The following KLF13 variants were observed in gnomAD, a reference collection of about 807,000 sequenced individuals.
KLF13 encodes Krueppel-like factor 13.
In KLF13, 8 loss-of-function variants were observed where a neutral mutation model predicts 16.7. The ratio of observed to expected loss-of-function variants is 0.48; its 90% CI spans 0.28 to 0.87. The LOEUF is 0.87. Ranked by LOEUF, KLF13 falls within the 40% of genes least tolerant of loss-of-function variation. KLF13 has a pLI of 0.10. For synonymous variants in KLF13, 245 were observed against 208.4 expected, an observed-to-expected ratio of 1.18 and a Z score of -1.51; for missense variants, 447 against 452.2, an observed-to-expected ratio of 0.99 and a Z score of 0.10.
At chr15:31,388,815 TC>T (rs759646834), upstream of KLF13, among the ~76,000 whole-genome samples, 2 of 147,618 alleles carry the variant, frequency 1.4e-5, no homozygotes, top group African/African-American at 4.9e-5. Context: ...CTTTACCCAT[TC>T]CCCCCACACA....
intron 1 of KLF13, among the ~76,000 whole-genome samples, chr15:31,335,420 A>C (rs2038910973): frequency 9.2e-6 from 1 of 108,276 alleles, no homozygotes; most frequent in South Asian, 3.6e-4. Flanking sequence ...GCTGTTGGGC[A>C]TTGTGTGTGT....
intron 1 of KLF13, among the ~76,000 whole-genome samples, chr15:31,341,932 T>C (rs1241268819): frequency 1.3e-5 from 2 of 152,174 alleles, no homozygotes; most frequent in African/African-American, 4.8e-5. Context: ...CATCCTGTTG[T>C]TGCTATGGAG....
chr15:31,423,165 GT>G (rs2040362583), intron 1 of KLF13, among the ~76,000 whole-genome samples: 1 of 104,440 alleles, frequency 9.6e-6, no homozygotes, highest in East Asian at 2.2e-4. Flanking sequence ...GTATATATAT[GT>G]ATATATATAC....
At chr15:31,338,197 T>G (rs896572567) in intron 1 of KLF13, among the ~76,000 whole-genome samples, 4 of 152,236 alleles carry the variant, frequency 2.6e-5, no homozygotes, top group Admixed American at 2.6e-4. Flanking sequence ...CAAAGTTTGT[T>G]TCCCTGATCT....
intron 1 of KLF13, among the ~76,000 whole-genome samples, chr15:31,428,810 AAAAAAAAAAAAAAAAG>A (rs1158323679): frequency 1.4e-5 from 2 of 145,902 alleles, no homozygotes; most frequent in Non-Finnish European, 3.0e-5. Flanking sequence ...CTCAAAAAAA[AAAAAAAAAAAAAAAAG>A]AAAAAGAAAA....
intron 2 of KLF13, among the ~76,000 whole-genome samples, chr15:31,394,313 A>T (rs1337228867): frequency 6.8e-6 from 1 of 147,970 alleles, no homozygotes; most frequent in Non-Finnish European, 1.5e-5. Context: ...CGTCTCTACT[A>T]AAAAAAAAAT....
At chr15:31,422,030 G>A (rs1366549427) in intron 1 of KLF13, among the ~76,000 whole-genome samples, 2 of 151,808 alleles carry the variant, frequency 1.3e-5, no homozygotes, top group Non-Finnish European at 2.9e-5. Context: ...CAGGAGAATA[G>A]CTTGAACCTG....
At chr15:31,383,267 C>T (rs534348731) in intron 1 of KLF13, among the ~76,000 whole-genome samples, 11 of 152,318 alleles carry the variant, frequency 7.2e-5, no homozygotes, top group South Asian at 6.2e-4. Context: ...CCTGTGGGGG[C>T]GGAACATGCT....
chr15:31,379,836 A>G (rs1055360136), downstream of KLF13, among the ~76,000 whole-genome samples: 4 of 152,056 alleles, frequency 2.6e-5, no homozygotes, highest in African/African-American at 7.2e-5. Flanking sequence ...CCCTTTTTCC[A>G]TATTTCTCAG....
chr15:31,368,719 G>T (rs191433605), intron 1 of KLF13, among the ~76,000 whole-genome samples: 21 of 152,262 alleles, frequency 1.4e-4, no homozygotes, highest in African/African-American at 4.3e-4. Context: ...CCGAGCGTGG[G>T]TAGGCGCCTG....
rs765496627 is a variant in KLF13, at chr15:31,372,210, C to G, written c.778C>G (p.Arg260Gly). 6.0e-5 allele frequency: 96 copies of G among 1,603,846 alleles called. No individual in the cohort carries two copies. Among genetic ancestry groups the G allele is most frequent in the Admixed American group, 1.7e-4 (10 of 59,628 alleles). Residue 260 changes from arginine to glycine, a missense_variant, in exon 2 of 2, where the codon CGC becomes GGC. By Grantham distance (125) the Arg-to-Gly change is moderately radical. This residue lies in a region of KLF13 where 88 missense variants were observed against 169.5 expected (regional missense o/e 0.52). Transcript: ENST00000307145. ...ANFHPGMLQR[R>G]GGGSRTGSLS... The stretch of plus-strand genomic sequence containing the variant: ...CTTCCACCCGGGAATGCTGCAGCGG[C>G]GCGGCGGGGGCTCGCGGACCGGCTC...
At chr15:31,366,130 T>G (rs2039467150) in intron 1 of KLF13, 1 of 126,654 alleles carries the variant, frequency 7.9e-6, no homozygotes, top group Admixed American at 8.6e-5. Context: ...CGCAACTGCA[T>G]GCGGTCCCCT....
chr15:31,332,859 C>T (rs908123860), intron 1 of KLF13, among the ~76,000 whole-genome samples: 1 of 152,074 alleles, frequency 6.6e-6, no homozygotes, highest in Non-Finnish European at 1.5e-5. Context: ...ATGAAGAAGC[C>T]CTACAGTCAA....
chr15:31,333,152 C>A (rs1336799019), intron 1 of KLF13, among the ~76,000 whole-genome samples: 2 of 152,204 alleles, frequency 1.3e-5, no homozygotes, highest in Non-Finnish European at 2.9e-5. Flanking sequence ...TAGTTTACAT[C>A]AAGCTATCTA....
intron 1 of KLF13, among the ~76,000 whole-genome samples, chr15:31,432,284 A>C (rs1400064606): frequency 6.6e-6 from 1 of 151,862 alleles, no homozygotes; most frequent in East Asian, 1.9e-4. Context: ...CTGTTTTCCT[A>C]TCTAGACATG....
intron 1 of KLF13, among the ~76,000 whole-genome samples, chr15:31,349,797 T>C (rs1184200561): frequency 2.0e-5 from 3 of 152,200 alleles, no homozygotes; most frequent in Non-Finnish European, 4.4e-5. Context: ...CCTGGAGGGC[T>C]TCCTGGGGAG....
intron 1 of KLF13, among the ~76,000 whole-genome samples, chr15:31,334,359 T>C (rs934790262): frequency 6.6e-6 from 1 of 152,112 alleles, no homozygotes. Flanking sequence ...GGTGAGTCTT[T>C]ATGTGCTTTC....
At chr15:31,397,260 C>T (rs1375258378) in intron 2 of KLF13, among the ~76,000 whole-genome samples, 1 of 147,890 alleles carries the variant, frequency 6.8e-6, no homozygotes, top group Non-Finnish European at 1.5e-5. Context: ...CAGGGCAGGG[C>T]AGGGCAGGGG....
At chr15:31,381,171 CAAAA>C (rs398043115), downstream of KLF13, among the ~76,000 whole-genome samples, 3 of 121,518 alleles carry the variant, frequency 2.5e-5, no homozygotes, top group Non-Finnish European at 3.3e-5. Context: ...GACTCTGTCT[CAAAA>C]AAAAAAAAAA....
Sources: gnomAD v4.1 joint callset for allele counts (sites outside exome capture counted in the v4.1 genomes callset) on GRCh38, gnomAD v4.1.1 for gene constraint, gnomAD v4.1.1 regional missense constraint, MANE v1.5 for transcripts, NCBI Gene and HGNC (gene_info 2026-07-23, HGNC 2026-07-21) for gene names.